The following SETD2 variants were observed in gnomAD, a reference collection of about 807,000 sequenced individuals.
SETD2 encodes histone-lysine N-methyltransferase SETD2.
SETD2 carries 31 observed loss-of-function variants against 242.1 expected under a neutral mutation model. The observed-to-expected ratio is 0.13, with a 90% CI of 0.10 to 0.17. The LOEUF is 0.17. Among genes scored for constraint, SETD2 ranks in the 10% least tolerant of loss-of-function variants. The pLI, the probability that SETD2 is intolerant of heterozygous loss-of-function variation, is 1.00. For synonymous variants in SETD2, 1,006 were observed against 1,066.5 expected, an observed-to-expected ratio of 0.94 and a Z score of 1.11; for missense variants, 2,481 against 3,046.3, an observed-to-expected ratio of 0.81 and a Z score of 4.37.
intron 12 of SETD2, among the ~76,000 whole-genome samples, chr3:47,067,581 A>G (rs1263498878): frequency 6.6e-6 from 1 of 151,648 alleles, no homozygotes; most frequent in African/African-American, 2.4e-5. Context: ...TGCCCCGCTA[A>G]TTTTTTCTAT....
chr3:47,064,678 G>A (rs769621693), intron 13 of SETD2: 1 of 352,108 alleles, frequency 2.8e-6, no homozygotes, highest in Non-Finnish European at 6.0e-6. Flanking sequence ...ATTTCCTGAA[G>A]TGTTTCACAA....
chr3:47,114,064 T>C (rs2042760693), intron 4 of SETD2, 60 bp from the exon 5 acceptor site: 3 of 1,548,510 alleles, frequency 1.9e-6, no homozygotes, highest in African/African-American at 1.4e-5. Context: ...CAAAGTAACT[T>C]TGAAAAAATG....
chr3:47,044,453 T>C (rs966493838), intron 16 of SETD2, among the ~76,000 whole-genome samples: 1 of 149,164 alleles, frequency 6.7e-6, no homozygotes, highest in Non-Finnish European at 1.5e-5. Flanking sequence ...TATCTTATTA[T>C]CCTGTTATTT....
Position 47,046,346 on chromosome 3 carries a change from ATAAAAT to A in SETD2, c.7098+135_7098+140del, listed in dbSNP as rs2039527712. Reference sequence around the variant, plus strand: ...AGCGAGACTCTGTCTCAAAAAAAAAATAAAATAAAATAAAATAAAACAAAGAACACG... The same window carrying A: ...AGCGAGACTCTGTCTCAAAAAAAAAAAAAATAAAATAAAACAAAGAACACG... On this transcript the variant is annotated intron_variant, in intron 16 of 20. Coordinates refer to ENST00000409792, the MANE Select transcript of SETD2 (RefSeq NM_014159.7). The A allele has an allele frequency of 1.8e-5, 11 of 596,004 alleles. No individual in the cohort carries two copies. In the South Asian group the frequency reaches 3.4e-4, roughly 18 times the overall value. The allele number at this position is 596,004 out of a possible 1,614,324, so 36.9% of individuals were successfully genotyped here.
At chr3:47,064,742 C>A in intron 13 of SETD2, 1 of 191,030 alleles carries the variant, frequency 5.2e-6, no homozygotes, top group Non-Finnish European at 1.1e-5. Flanking sequence ...AAATGGAAAC[C>A]AGGCTTATAT....
intron 1 of SETD2, among the ~76,000 whole-genome samples, chr3:47,139,031 A>C (rs1303322771): frequency 6.6e-6 from 1 of 152,100 alleles, no homozygotes; most frequent in Admixed American, 6.5e-5. Flanking sequence ...CTATGGCACG[A>C]TCATAGCTCA....
At chr3:47,050,723 CTT>C (rs775259096) in intron 15 of SETD2, among the ~76,000 whole-genome samples, 154 of 66,854 alleles carry the variant, frequency 2.3e-3, no homozygotes, top group African/African-American at 6.9e-3. Context: ...TTTCCTCTCT[CTT>C]TTTTTTTTTT....
At chr3:47,100,882 C>T (rs1195632107) in intron 8 of SETD2, among the ~76,000 whole-genome samples, 3 of 151,316 alleles carry the variant, frequency 2.0e-5, no homozygotes, top group South Asian at 2.1e-4. Flanking sequence ...TGGTGGCGGG[C>T]GCCTGTAGTA....
intron 1 of SETD2, among the ~76,000 whole-genome samples, chr3:47,158,353 T>C (rs369152725): frequency 6.6e-6 from 1 of 152,160 alleles, no homozygotes; most frequent in Admixed American, 6.6e-5. Flanking sequence ...GGTCCACTTA[T>C]ACACAGATTT....
intron 15 of SETD2, among the ~76,000 whole-genome samples, chr3:47,053,438 A>C (rs764001814): frequency 2.6e-5 from 4 of 152,176 alleles, no homozygotes; most frequent in Non-Finnish European, 5.9e-5. Flanking sequence ...CAAACTCTTG[A>C]GATGTAATTT....
intron 15 of SETD2, among the ~76,000 whole-genome samples, chr3:47,052,251 G>A (rs2039879387): frequency 6.6e-6 from 1 of 152,006 alleles, no homozygotes; most frequent in African/African-American, 2.4e-5. Context: ...GCTTACTGCA[G>A]CCTCAACCTC....
At chr3:47,018,258 C>T (rs920148570) in intron 19 of SETD2, among the ~76,000 whole-genome samples, 3 of 152,144 alleles carry the variant, frequency 2.0e-5, no homozygotes, top group Admixed American at 6.6e-5. Context: ...CAAAGGAAAA[C>T]CTAAGCAGAA....
chr3:47,107,364 T>C (rs535071795), intron 5 of SETD2, among the ~76,000 whole-genome samples: 138 of 152,274 alleles, frequency 9.1e-4, no homozygotes, highest in African/African-American at 3.3e-3. Context: ...TAAATCCTTT[T>C]ACTTTAAAAA....
At position 47,122,313 on chromosome 3, in the gene SETD2, C is replaced by T. The variant is rs770481865; in HGVS notation, c.2323G>A (p.Val775Ile). 2 of 1,614,186 alleles carry T rather than the reference C, an allele frequency of 1.2e-6. No homozygotes were observed. Among genetic ancestry groups the T allele is most frequent in the South Asian group, 2.2e-5 (2 of 91,084 alleles). The change falls in exon 3 of 21, where the codon GTT becomes ATT. Residue 775 changes from valine to isoleucine, a missense_variant. Around this residue, in one of 17 missense-constraint regions of SETD2, gnomAD observed 1,300 missense variants for 1,259.2 expected, o/e 1.03. Transcript: ENST00000409792. ...VMTVDYSKTVVKEPVDTRVSC... is the reference protein window; with the variant it reads ...VMTVDYSKTVIKEPVDTRVSC... The stretch of plus-strand genomic sequence containing the variant: ...ACCCTCGTATCAACTGGTTCTTTAA[C>T]TACTGTTTTGGAATAATCCACAGTC...
chr3:47,070,890 T>A (rs1056441303), intron 12 of SETD2, among the ~76,000 whole-genome samples: 1 of 152,148 alleles, frequency 6.6e-6, no homozygotes, highest in African/African-American at 2.4e-5. Context: ...TGTTCTAAGA[T>A]TTAATATTGT....
At chr3:47,081,303 T>C (rs1336588128) in intron 12 of SETD2, among the ~76,000 whole-genome samples, 1 of 152,154 alleles carries the variant, frequency 6.6e-6, no homozygotes, top group Non-Finnish European at 1.5e-5. Context: ...GGAACACATG[T>C]CCACCAATGT....
intron 8 of SETD2, among the ~76,000 whole-genome samples, chr3:47,098,795 C>CAAA (rs1332937462): frequency 1.3e-5 from 2 of 151,026 alleles, no homozygotes; most frequent in African/African-American, 2.4e-5. Flanking sequence ...GACTCTGTCT[C>CAAA]AAAAAAATAA....
Position 47,054,351 on chromosome 3 carries a change from A to T in SETD2, c.6963+2470T>A, listed in dbSNP as rs1188757773. Among the ~76,000 whole-genome samples the T allele has an allele frequency of 2.0e-5, 3 of 152,262 alleles. No individual in the cohort carries two copies. In the South Asian group the frequency reaches 6.2e-4, roughly 32 times the overall value. On this transcript the variant is annotated intron_variant, in intron 15 of 20. Transcript: ENST00000409792. ...TATAAGAAAAATCATATGACCAGGG[A>T]GCTCTTTACTGAGGAGTCTTTAATG...
In SETD2 at chr3:47,124,317, G is replaced by A. The variant is rs2043238658; in HGVS notation, c.319C>T (p.Pro107Ser). 1.3e-6 allele frequency: 2 copies of A among 1,551,770 alleles called. No homozygotes were observed. Among genetic ancestry groups the A allele is most frequent in the South Asian group, 2.4e-5 (2 of 84,068 alleles). ...TTAGGAGTCGAGTCTACCTGAAGAGGTACAGCTGGAGGGTTTGGAGTATCA... is the reference window on the plus strand; with the variant it reads ...TTAGGAGTCGAGTCTACCTGAAGAGATACAGCTGGAGGGTTTGGAGTATCA... ...QSDTPNPPAV[P>S]LQVDSTPKMK... Residue 107 changes from proline to serine, a missense_variant, in exon 3 of 21, where the codon CCT becomes TCT. This residue lies in a region of SETD2 where 334 missense variants were observed against 374.5 expected (regional missense o/e 0.89). Coordinates refer to ENST00000409792, the MANE Select transcript of SETD2 (RefSeq NM_014159.7).
Sources: gnomAD v4.1 joint callset for allele counts (sites outside exome capture counted in the v4.1 genomes callset) on GRCh38, gnomAD v4.1.1 for gene constraint, gnomAD v4.1.1 regional missense constraint, MANE v1.5 for transcripts, NCBI Gene and HGNC (gene_info 2026-07-23, HGNC 2026-07-21) for gene names.